ZNF536: variants seen among roughly 807,000 people sequenced by gnomAD.
The protein encoded by ZNF536 is zinc finger protein 536.
A neutral mutation model predicts 84.5 loss-of-function variants in ZNF536; 13 were observed. The ratio of observed to expected loss-of-function variants is 0.15; its 90% CI spans 0.10 to 0.24. The LOEUF (loss-of-function observed/expected upper bound fraction) is 0.24, where lower values mean the gene tolerates loss of function less well. Ranked by LOEUF, ZNF536 falls within the 10% of genes least tolerant of loss-of-function variation. ZNF536 has a pLI of 1.00. For synonymous variants in ZNF536, 811 were observed against 742.5 expected, an observed-to-expected ratio of 1.09 and a Z score of -1.50; for missense variants, 1,536 against 1,747.5, an observed-to-expected ratio of 0.88 and a Z score of 2.16.
intron 1 of ZNF536, among the ~76,000 whole-genome samples, chr19:30,649,414 C>T (rs570162740): frequency 1.1e-4 from 17 of 152,222 alleles, no homozygotes; most frequent in South Asian, 4.1e-4. Context: ...TAAACTGATA[C>T]GCTTTAATTC....
intron 1 of ZNF536, among the ~76,000 whole-genome samples, chr19:30,392,561 G>A (rs2049642588): frequency 6.6e-6 from 1 of 152,140 alleles, no homozygotes; most frequent in Admixed American, 6.5e-5. Flanking sequence ...CTGAGACATG[G>A]CATTTTCTGA....
At chr19:30,273,975 T>A (rs1426346856) in intron 1 of ZNF536, among the ~76,000 whole-genome samples, 1 of 152,236 alleles carries the variant, frequency 6.6e-6, no homozygotes, top group Non-Finnish European at 1.5e-5. Context: ...AATAGAATTA[T>A]GGATTATTAT....
At chr19:30,304,374 CT>C (rs1177381044) in intron 2 of ZNF536, among the ~76,000 whole-genome samples, 4 of 152,238 alleles carry the variant, frequency 2.6e-5, no homozygotes, top group Admixed American at 2.6e-4. Flanking sequence ...CTTAGGCTTT[CT>C]CATTTGAGCC....
chr19:30,573,819 C>T (rs982002821), intron 1 of ZNF536, among the ~76,000 whole-genome samples: 20 of 152,166 alleles, frequency 1.3e-4, no homozygotes, highest in African/African-American at 7.2e-5. Flanking sequence ...TCAGACCTGC[C>T]TGCACCATGA....
intron 2 of ZNF536, among the ~76,000 whole-genome samples, chr19:30,501,378 A>G (rs1035216746): frequency 8.5e-5 from 13 of 152,234 alleles, no homozygotes; most frequent in Non-Finnish European, 1.9e-4. Context: ...ATTGTCTGAC[A>G]TCATAGCTCA....
At chr19:30,286,295 A>C (rs1415703061) in intron 2 of ZNF536, among the ~76,000 whole-genome samples, 2 of 152,164 alleles carry the variant, frequency 1.3e-5, no homozygotes, top group Non-Finnish European at 2.9e-5. Context: ...TTGTCCTTCT[A>C]TCTCGGCGCC....
At chr19:30,350,793 G>T (rs207477149) in intron 2 of ZNF536, among the ~76,000 whole-genome samples, 1 of 152,168 alleles carries the variant, frequency 6.6e-6, no homozygotes, top group Non-Finnish European at 1.5e-5. Flanking sequence ...ATTGTCCCTT[G>T]CAGAGAAATG....
chr19:30,276,908 G>T (rs568964475), intron 1 of ZNF536, among the ~76,000 whole-genome samples: 1 of 152,166 alleles, frequency 6.6e-6, no homozygotes, highest in South Asian at 2.1e-4. Context: ...AGCAAACAAA[G>T]GGTAATTGTT....
intron 3 of ZNF536, among the ~76,000 whole-genome samples, chr19:30,359,399 C>G (rs1003823646): frequency 1.3e-5 from 2 of 152,206 alleles, no homozygotes; most frequent in Admixed American, 6.5e-5. Context: ...CCTGGCCCCA[C>G]GCTTCTCCTG....
At chr19:30,582,809 T>C (rs1174716289) in intron 1 of ZNF536, among the ~76,000 whole-genome samples, 3 of 152,118 alleles carry the variant, frequency 2.0e-5, no homozygotes, top group Non-Finnish European at 2.9e-5. Flanking sequence ...GTGGGACTTA[T>C]TTGCTACCAT....
intron 1 of ZNF536, among the ~76,000 whole-genome samples, chr19:30,234,767 A>ACGCG (rs1213448331): frequency 1.4e-5 from 2 of 144,464 alleles, no homozygotes; most frequent in African/African-American, 5.4e-5. Flanking sequence ...ACACACACAC[A>ACGCG]CACACACGCG....
intron 1 of ZNF536, among the ~76,000 whole-genome samples, chr19:30,645,145 T>C (rs1263572341): frequency 6.6e-6 from 1 of 152,250 alleles, no homozygotes; most frequent in East Asian, 1.9e-4. Flanking sequence ...TTCATGTGTC[T>C]TTTGCCTGCA....
intron 1 of ZNF536, among the ~76,000 whole-genome samples, chr19:30,566,591 A>T (rs1254738388): frequency 6.6e-6 from 1 of 152,256 alleles, no homozygotes; most frequent in African/African-American, 2.4e-5. Flanking sequence ...CGGGGCTGAG[A>T]TTCAGAGCTG....
At chr19:30,519,890 T>C (rs2145687072) in intron 2 of ZNF536, among the ~76,000 whole-genome samples, 1 of 152,338 alleles carries the variant, frequency 6.6e-6, no homozygotes, top group Non-Finnish European at 1.5e-5. Context: ...GAGACAGATA[T>C]TAATCACACA....
chr19:30,684,583 G>T (rs2051100296), intron 1 of ZNF536, among the ~76,000 whole-genome samples: 1 of 152,192 alleles, frequency 6.6e-6, no homozygotes, highest in East Asian at 1.9e-4. Context: ...CATGGCAATA[G>T]AAAGGTTAAA....
chr19:30,475,538 G>A (rs1389948157), intron 2 of ZNF536, among the ~76,000 whole-genome samples: 2 of 152,206 alleles, frequency 1.3e-5, no homozygotes, highest in African/African-American at 2.4e-5. Context: ...CAATTGGCGG[G>A]CATTTAAGTT....
At chr19:30,529,102 C>T (rs1394364907) in intron 2 of ZNF536, among the ~76,000 whole-genome samples, 4 of 152,046 alleles carry the variant, frequency 2.6e-5, no homozygotes, top group Admixed American at 6.5e-5. Flanking sequence ...AAAGATTCTG[C>T]CTCCTAACGC....
chr19:30,534,758 G>A (rs1253467908), intron 2 of ZNF536, 89 bp from the exon 3 acceptor site: 2 of 1,403,204 alleles, frequency 1.4e-6, no homozygotes, highest in Admixed American at 2.3e-5. Flanking sequence ...GTATTGACAT[G>A]TTTAACTTTG....
intron 2 of ZNF536, among the ~76,000 whole-genome samples, chr19:30,298,970 C>A (rs2046093671): frequency 6.6e-6 from 1 of 151,850 alleles, no homozygotes; most frequent in African/African-American, 2.4e-5. Flanking sequence ...TAAAAATAAT[C>A]TGCATTTTAG....
Sources: allele counts gnomAD v4.1 joint callset (sites outside exome capture counted in the v4.1 genomes callset), GRCh38; gene constraint gnomAD v4.1.1; transcripts MANE v1.5; gene names NCBI Gene and HGNC (gene_info 2026-07-23, HGNC 2026-07-21).